Variants in ZNF827 observed in about 807,000 individuals in gnomAD.
ZNF827 encodes the protein zinc finger protein 827.
A neutral mutation model predicts 102.4 loss-of-function variants in ZNF827; 13 were observed. The ratio of observed to expected loss-of-function variants is 0.13; its 90% CI spans 0.08 to 0.20. The LOEUF (loss-of-function observed/expected upper bound fraction) is 0.20. Among genes scored for constraint, ZNF827 ranks in the 10% least tolerant of loss-of-function variants. The pLI is 1.00. For missense variants in ZNF827, 1,103 were observed against 1,344.4 expected (o/e 0.82, Z 2.81); for synonymous variants, 523 against 536.2 (o/e 0.98, Z 0.34).
chr4:145,837,364 G>A (rs1307387676), intron 7 of ZNF827, among the ~76,000 whole-genome samples: 1 of 152,156 alleles, frequency 6.6e-6, no homozygotes, highest in Non-Finnish European at 1.5e-5. Flanking sequence ...ATTCAGGCCT[G>A]TCCTCAGAAT....
At chr4:145,907,573 A>C (rs540084295) in intron 1 of ZNF827, among the ~76,000 whole-genome samples, 1 of 152,350 alleles carries the variant, frequency 6.6e-6, no homozygotes, top group African/African-American at 2.4e-5. Flanking sequence ...GTCACAGAGC[A>C]GCACTGCACA....
intron 8 of ZNF827, among the ~76,000 whole-genome samples, chr4:145,788,087 A>G (rs1442566594): frequency 6.6e-6 from 1 of 152,202 alleles, no homozygotes; most frequent in Non-Finnish European, 1.5e-5. Context: ...TGCTCCTCTA[A>G]GCCATATGAA....
chr4:145,892,832 A>T (rs1750712098), intron 2 of ZNF827, among the ~76,000 whole-genome samples: 1 of 152,244 alleles, frequency 6.6e-6, no homozygotes, highest in Admixed American at 6.5e-5. Context: ...TGAATTCCTG[A>T]ACTTTGAAAA....
At chr4:145,925,872 C>CCAG (rs751212505) in intron 1 of ZNF827, among the ~76,000 whole-genome samples, 22 of 152,178 alleles carry the variant, frequency 1.4e-4, no homozygotes, top group Non-Finnish European at 2.6e-4. Flanking sequence ...GGTGGTTGAA[C>CCAG]CAGCTTCTTC....
rs370921853 is a variant in ZNF827 at position 145,772,235 on chromosome 4, T to C, written c.2860+2271A>G. ...AGGTACATTGATTCCCCACTTGTAC[T>C]GTGTAGGGCCTGCTCCAGGTGCTGA... On this transcript the variant is annotated intron_variant, in intron 11 of 14. Coordinates refer to ENST00000508784, the MANE Select transcript of ZNF827 (RefSeq NM_001306215.2). 3.3e-4 allele frequency among the ~76,000 whole-genome samples: 50 copies of C among 152,362 alleles called. 1 individual carries two copies. In the South Asian group the frequency reaches 9.7e-3, roughly 30 times the overall value.
chr4:145,887,409 A>T (rs1750206606), intron 3 of ZNF827, among the ~76,000 whole-genome samples: 1 of 152,190 alleles, frequency 6.6e-6, no homozygotes, highest in Non-Finnish European at 1.5e-5. Flanking sequence ...ACTTTTAAAT[A>T]ATGTTAAGTG....
chr4:145,886,187 G>A, intron 3 of ZNF827, 29 bp from the exon 4 acceptor site: 1 of 1,554,522 alleles, frequency 6.4e-7, no homozygotes, highest in South Asian at 1.3e-5. Flanking sequence ...GAATGAGCTA[G>A]CCACCGTGCA....
intron 11 of ZNF827, among the ~76,000 whole-genome samples, chr4:145,771,873 A>AG (rs1467539840): frequency 2.0e-5 from 3 of 152,248 alleles, no homozygotes; most frequent in Non-Finnish European, 4.4e-5. Flanking sequence ...TTCCTAAGAC[A>AG]GGAAAATCAA....
At chr4:145,895,283 A>G (rs768342668) in intron 2 of ZNF827, among the ~76,000 whole-genome samples, 4 of 152,132 alleles carry the variant, frequency 2.6e-5, no homozygotes, top group Admixed American at 2.0e-4. Context: ...TGCGTTTCCT[A>G]TTCTTTCTGA....
intron 1 of ZNF827, among the ~76,000 whole-genome samples, chr4:145,937,535 G>A (rs1377445490): frequency 6.8e-5 from 10 of 147,264 alleles, no homozygotes; most frequent in Admixed American, 6.7e-4. Flanking sequence ...TCCGCCCGCC[G>A]CTGCCCGGCC....
intron 4 of ZNF827, among the ~76,000 whole-genome samples, chr4:145,874,888 A>G (rs1749021888): frequency 6.6e-6 from 1 of 152,282 alleles, no homozygotes; most frequent in African/African-American, 2.4e-5. Flanking sequence ...GCTGCTGATC[A>G]ATTACACATA....
rs1261312905 is a variant in ZNF827 at position 145,758,459 on chromosome 4, C to T, written c.*3157G>A. 6.6e-6 allele frequency: 1 copy of T among 152,218 alleles called. No individual in the cohort carries two copies. The highest frequency in any genetic ancestry group is 1.5e-5 in the Non-Finnish European group (1 of 68,042). The allele number at this position is 152,218 out of a possible 1,614,324, so 9.4% of individuals were successfully genotyped here. On this transcript the variant is annotated 3_prime_UTR_variant, in exon 15 of 15. Coordinates refer to ENST00000508784, the MANE Select transcript of ZNF827 (RefSeq NM_001306215.2). ...GGTGCTTAAGTGTGATTCGCCTTTT[C>T]TACCAGCCTCTGTGGGACTACTTTA...
chr4:145,837,883 T>C (rs1167984152), intron 7 of ZNF827, among the ~76,000 whole-genome samples: 2 of 152,044 alleles, frequency 1.3e-5, no homozygotes, highest in Admixed American at 1.3e-4. Flanking sequence ...AAGACCTCCC[T>C]TCAGCTTAAT....
At chr4:145,798,953 G>T (rs1740627099) in intron 8 of ZNF827, among the ~76,000 whole-genome samples, 1 of 152,200 alleles carries the variant, frequency 6.6e-6, no homozygotes, top group South Asian at 2.1e-4. Flanking sequence ...CTCTGACATT[G>T]TTGAAAAACA....
intron 1 of ZNF827, among the ~76,000 whole-genome samples, chr4:145,936,045 T>G (rs1035558628): frequency 6.6e-6 from 1 of 152,070 alleles, no homozygotes; most frequent in African/African-American, 2.4e-5. Flanking sequence ...CCGCCCTGTT[T>G]TCGCACACAA....
intron 1 of ZNF827, among the ~76,000 whole-genome samples, chr4:145,936,603 C>T (rs1754190807): frequency 6.6e-6 from 1 of 152,130 alleles, no homozygotes; most frequent in Non-Finnish European, 1.5e-5. Flanking sequence ...GACACGGAGG[C>T]GCGGGGGCGC....
rs146227455 is a variant in ZNF827, at chr4:145,838,406, T to A, written c.2279+7550A>T. On this transcript the variant is annotated intron_variant, in intron 7 of 14. Transcript: ENST00000508784. Reference sequence around the variant, plus strand: ...CCCACCCTTAACTCCCTTCGCTGACTCTTTTCGGACTCAGCCCACCTGCAC... The same window carrying A: ...CCCACCCTTAACTCCCTTCGCTGACACTTTTCGGACTCAGCCCACCTGCAC... Among the ~76,000 whole-genome samples, 1,402 of 152,252 alleles carry A rather than the reference T, an allele frequency of 9.2e-3. 31 individuals carry two copies. Among genetic ancestry groups the A allele is most frequent in the African/African-American group, 0.032 (1,343 of 41,524 alleles).
rs930208242 is a variant in ZNF827 at position 145,763,896 on chromosome 4, G to A, written c.3231-774C>T. ...AGAGTGAAACGAAATGGAGTTCAACGGAGGTCCTGTTGTTCCCTGACTCTT... is the reference window on the plus strand; with the variant it reads ...AGAGTGAAACGAAATGGAGTTCAACAGAGGTCCTGTTGTTCCCTGACTCTT... On this transcript the variant is annotated intron_variant, in intron 13 of 14. Coordinates refer to ENST00000508784, the MANE Select transcript of ZNF827 (RefSeq NM_001306215.2). The surrounding 1 kb of genome is among the most constrained non-coding windows in gnomAD (Gnocchi z 4.6). 5.3e-5 allele frequency among the ~76,000 whole-genome samples: 8 copies of A among 151,192 alleles called. No homozygotes were observed. The highest frequency in any genetic ancestry group is 1.9e-4 in the African/African-American group (8 of 41,104).
intron 8 of ZNF827, among the ~76,000 whole-genome samples, chr4:145,781,056 C>T (rs889207551): frequency 2.0e-5 from 3 of 151,832 alleles, no homozygotes; most frequent in Admixed American, 6.6e-5. Flanking sequence ...TTTAGCCGGG[C>T]GTGGTGGCGG....
Sources: allele counts gnomAD v4.1 joint callset (sites outside exome capture counted in the v4.1 genomes callset), GRCh38; gene constraint gnomAD v4.1.1; non-coding constraint Gnocchi (gnomAD v3.1); transcripts MANE v1.5; gene names NCBI Gene and HGNC (gene_info 2026-07-23, HGNC 2026-07-21).